GALNT16: variants seen among roughly 807,000 people sequenced by gnomAD.
GALNT16 encodes polypeptide N-acetylgalactosaminyltransferase 16.
GALNT16 carries 40 observed loss-of-function variants against 76.1 expected under a neutral mutation model. The observed-to-expected ratio is 0.53, with a 90% CI of 0.41 to 0.68. GALNT16 has a LOEUF of 0.68. Among genes scored for constraint, GALNT16 ranks in the 30% least tolerant of loss-of-function variants. The pLI is 0.00. For synonymous variants in GALNT16, 276 were observed against 285.2 expected, an observed-to-expected ratio of 0.97 and a Z score of 0.32; for missense variants, 621 against 731.9, an observed-to-expected ratio of 0.85 and a Z score of 1.75.
At chr14:69,266,898 A>G (rs370293637) in intron 1 of GALNT16, among the ~76,000 whole-genome samples, 61 of 152,346 alleles carry the variant, frequency 4.0e-4, no homozygotes, top group African/African-American at 1.4e-3. Flanking sequence ...AAGCAAGGAC[A>G]GAGAGAGGAA....
At chr14:69,265,938 A>G (rs2140098256) in intron 1 of GALNT16, among the ~76,000 whole-genome samples, 1 of 152,204 alleles carries the variant, frequency 6.6e-6, no homozygotes, top group Admixed American at 6.5e-5. Context: ...TTCGTTGGAG[A>G]CCTGGATGCT....
At chr14:69,302,333 A>T (rs988029560) in intron 1 of GALNT16, among the ~76,000 whole-genome samples, 1 of 152,152 alleles carries the variant, frequency 6.6e-6, no homozygotes, top group African/African-American at 2.4e-5. Flanking sequence ...TTTTTAAAAA[A>T]AGATTTCTCC....
At chr14:69,379,007 C>T in the GALNT16 span, among the ~76,000 whole-genome samples, 2 of 151,970 alleles carry the variant, frequency 1.3e-5, no homozygotes, top group African/African-American at 2.4e-5. Flanking sequence ...AATCTCGGCT[C>T]ACTCACTGCA....
At chr14:69,296,641 C>G (rs749075184) in intron 1 of GALNT16, among the ~76,000 whole-genome samples, 2 of 150,964 alleles carry the variant, frequency 1.3e-5, no homozygotes, top group Admixed American at 1.3e-4. Context: ...TGCAGTGAGC[C>G]GAGATCACAC....
chr14:69,329,968 C>G (rs1249784291), intron 6 of GALNT16, among the ~76,000 whole-genome samples: 1 of 152,042 alleles, frequency 6.6e-6, no homozygotes, highest in African/African-American at 2.4e-5. Flanking sequence ...ATATCAGGAG[C>G]CTTCATATAT....
chr14:69,349,865 G>T (rs760639668), intron 14 of GALNT16: 1 of 152,176 alleles, frequency 6.6e-6, no homozygotes, highest in East Asian at 1.9e-4. Context: ...TGAGAATCCC[G>T]CTGTTTGGGG....
the GALNT16 span, among the ~76,000 whole-genome samples, chr14:69,370,126 A>G: frequency 6.6e-6 from 1 of 152,198 alleles, no homozygotes; most frequent in Non-Finnish European, 1.5e-5. Context: ...GACTCTGTTT[A>G]CATCCCTGGG....
chr14:69,381,583 A>G, the GALNT16 span, among the ~76,000 whole-genome samples: 4 of 152,252 alleles, frequency 2.6e-5, no homozygotes, highest in African/African-American at 9.6e-5. Context: ...ATCTAGTAAG[A>G]TGTCACAGAG....
rs539825981 is a variant in GALNT16 at position 69,352,210 on chromosome 14, G to A, written c.*42G>A. 2.7e-5 allele frequency: 42 copies of A among 1,544,380 alleles called. No individual in the cohort carries two copies. The East Asian group carries it at 7.3e-4, about 27-fold the overall frequency. ...TCCTGTACCTTTTGCATGAGACTTCGGGACCGGAAGGGGGTTAGGGTGGGG... is the reference window on the plus strand; with the variant it reads ...TCCTGTACCTTTTGCATGAGACTTCAGGACCGGAAGGGGGTTAGGGTGGGG... On this transcript the variant is annotated 3_prime_UTR_variant, in exon 15 of 15. Coordinates refer to ENST00000448469, the MANE Select transcript of GALNT16 (RefSeq NM_001168368.2).
rs1247980668 is a variant in GALNT16, at chr14:69,260,168, T to C, written c.-123T>C. 2 of 156,910 alleles carry C rather than the reference T, an allele frequency of 1.3e-5. No homozygotes were observed. Among genetic ancestry groups the C allele is most frequent in the South Asian group, 1.6e-4 (2 of 12,746 alleles). The allele number at this position is 156,910 out of a possible 1,614,324, so 9.7% of individuals were successfully genotyped here. A position where few individuals can be genotyped will look rare whatever the true frequency, so the allele number is the denominator to read the frequency against. The stretch of plus-strand genomic sequence containing the variant: ...CGCCCCCCCACCTCTCTCCTTTTTC[T>C]GCTCTGCAGGACTGAGCAGCTAGGC... On this transcript the variant is annotated 5_prime_UTR_variant, in exon 1 of 15. Transcript: ENST00000448469.
intron 9 of GALNT16, among the ~76,000 whole-genome samples, chr14:69,336,205 G>T (rs977697559): frequency 1.3e-5 from 2 of 152,158 alleles, no homozygotes; most frequent in African/African-American, 4.8e-5. Context: ...TGCCTCCAGG[G>T]TTCAAGCGAT....
intron 12 of GALNT16, among the ~76,000 whole-genome samples, chr14:69,343,590 C>T (rs2045522846): frequency 1.3e-5 from 2 of 152,206 alleles, no homozygotes; most frequent in Non-Finnish European, 2.9e-5. Context: ...TTCTAGGGGA[C>T]AGTGTTCATT....
chr14:69,378,444 C>T, the GALNT16 span, among the ~76,000 whole-genome samples: 2 of 152,098 alleles, frequency 1.3e-5, no homozygotes, highest in African/African-American at 2.4e-5. Context: ...GCCAATCAAC[C>T]AACACTCTAA....
At chr14:69,369,413 T>A in the GALNT16 span, among the ~76,000 whole-genome samples, 1 of 152,066 alleles carries the variant, frequency 6.6e-6, no homozygotes. Flanking sequence ...AAGAAAGAAA[T>A]GAAAGCTTGT....
intron 1 of GALNT16, among the ~76,000 whole-genome samples, chr14:69,299,904 C>G (rs1432875097): frequency 6.6e-6 from 1 of 152,124 alleles, no homozygotes; most frequent in Non-Finnish European, 1.5e-5. Context: ...TCTAAGACAC[C>G]AAGGTGTCCG....
intron 1 of GALNT16, among the ~76,000 whole-genome samples, chr14:69,288,580 C>A (rs2044648409): frequency 6.6e-6 from 1 of 152,178 alleles, no homozygotes; most frequent in South Asian, 2.1e-4. Flanking sequence ...GAGCACCTAG[C>A]CAGGCCTGGC....
the GALNT16 span, among the ~76,000 whole-genome samples, chr14:69,379,141 T>C: frequency 2.0e-5 from 3 of 152,160 alleles, no homozygotes; most frequent in Non-Finnish European, 2.9e-5. Context: ...GGTTTCACCA[T>C]GCTGGTCAGG....
At chr14:69,260,017 G>C, upstream of GALNT16, 1 of 362,082 alleles carries the variant, frequency 2.8e-6, no homozygotes, top group Non-Finnish European at 5.0e-6. Context: ...AGCCGGCGGC[G>C]GCTGGAGCGC....
intron 14 of GALNT16, 193 bp from the exon 15 acceptor site, chr14:69,351,838 G>A (rs1001634952): frequency 7.5e-6 from 4 of 532,928 alleles, no homozygotes; most frequent in African/African-American, 5.8e-5. Context: ...CTTGAACTCA[G>A]GAGTTCGAGG....
Sources: allele counts gnomAD v4.1 joint callset (sites outside exome capture counted in the v4.1 genomes callset), GRCh38; gene constraint gnomAD v4.1.1; transcripts MANE v1.5; gene names NCBI Gene and HGNC (gene_info 2026-07-23, HGNC 2026-07-21).